C2orf92: variants seen among roughly 807,000 people sequenced by gnomAD.
C2orf92 encodes the protein uncharacterized protein C2orf92.
intron 7 of C2orf92, among the ~76,000 whole-genome samples, 182 bp from the exon 8 acceptor site, chr2:97,702,487 A>G (rs556290388): frequency 6.6e-6 from 1 of 152,270 alleles, no homozygotes; most frequent in South Asian, 2.1e-4. Context: ...TGGGGGGAAG[A>G]GAGTATCCCA....
intron 1 of C2orf92, chr2:97,671,220 G>A: frequency 5.7e-6 from 2 of 352,184 alleles, no homozygotes; most frequent in Non-Finnish European, 1.0e-5. Flanking sequence ...TGTTGGCCAG[G>A]CTGGTCATGA....
intron 3 of C2orf92, among the ~76,000 whole-genome samples, chr2:97,688,024 G>T (rs1676019604): frequency 6.6e-6 from 1 of 151,806 alleles, no homozygotes; most frequent in African/African-American, 2.4e-5. Context: ...TCTGGTTGGG[G>T]GTTTGGGAAG....
rs567178408 is a variant in C2orf92 at position 97,683,196 on chromosome 2, A to G, written c.233-5699A>G. Among the ~76,000 whole-genome samples the G allele has an allele frequency of 2.6e-5, 4 of 152,208 alleles. No individual in the cohort carries two copies. In the East Asian group the frequency reaches 7.7e-4, roughly 29 times the overall value. ...ACAAAAATCAGCTGTGTTTTTATAC[A>G]CTAACGATATATACACTAATAATCC... On this transcript the variant is annotated intron_variant, in intron 3 of 7. Coordinates refer to ENST00000627399, the MANE Select transcript of C2orf92 (RefSeq NM_001351368.2).
chr2:97,696,236 T>C (rs1189655652), intron 5 of C2orf92, among the ~76,000 whole-genome samples: 1 of 152,146 alleles, frequency 6.6e-6, no homozygotes, highest in African/African-American at 2.4e-5. Flanking sequence ...ATCTCCTTGA[T>C]AGGGTTTTTC....
intron 3 of C2orf92, among the ~76,000 whole-genome samples, chr2:97,676,665 G>C (rs931648824): frequency 2.0e-4 from 31 of 151,834 alleles, no homozygotes; most frequent in Non-Finnish European, 3.5e-4. Flanking sequence ...CCAGCTACTC[G>C]GGAGGCTGAG....
intron 5 of C2orf92, among the ~76,000 whole-genome samples, chr2:97,696,947 C>T (rs1159456953): frequency 6.6e-6 from 1 of 152,174 alleles, no homozygotes; most frequent in African/African-American, 2.4e-5. Context: ...ATCAAAGGCT[C>T]ACGTCAATGT....
chr2:97,685,672 C>T (rs1323636930), intron 3 of C2orf92, among the ~76,000 whole-genome samples: 2 of 152,140 alleles, frequency 1.3e-5, no homozygotes, highest in African/African-American at 2.4e-5. Context: ...AAGCAATTCT[C>T]CTGCCTCAGC....
At chr2:97,675,417 A>G (rs1307162356) in intron 2 of C2orf92, among the ~76,000 whole-genome samples, 2 of 152,250 alleles carry the variant, frequency 1.3e-5, no homozygotes, top group Non-Finnish European at 2.9e-5. Flanking sequence ...ACACATTTTT[A>G]GCAAAGTGCT....
At chr2:97,673,022 A>G (rs548837261) in intron 1 of C2orf92, among the ~76,000 whole-genome samples, 9 of 152,342 alleles carry the variant, frequency 5.9e-5, no homozygotes, top group African/African-American at 1.4e-4. Context: ...AGAACTTAAT[A>G]TATTTCAAAA....
chr2:97,664,423 G>C (rs2104514411), exon 1 of C2orf92: 1 of 152,316 alleles, frequency 6.6e-6, no homozygotes, highest in Non-Finnish European at 1.5e-5. Flanking sequence ...CTCCAAGGAG[G>C]CCGGCCCTGG....
At chr2:97,673,719 C>T (rs559201603) in intron 1 of C2orf92, among the ~76,000 whole-genome samples, 156 of 152,250 alleles carry the variant, frequency 1.0e-3, no homozygotes, top group African/African-American at 3.5e-3. Context: ...CTGCCTCTCC[C>T]GCTATCTAGA....
chr2:97,673,310 TGA>T (rs1339149295), intron 1 of C2orf92, among the ~76,000 whole-genome samples: 8 of 152,264 alleles, frequency 5.3e-5, no homozygotes, highest in Non-Finnish European at 8.8e-5. Context: ...GTGGAGTGTG[TGA>T]GTCATGTGTG....
intron 5 of C2orf92, among the ~76,000 whole-genome samples, chr2:97,696,910 C>T (rs568365925): frequency 3.9e-5 from 6 of 152,182 alleles, no homozygotes; most frequent in Non-Finnish European, 5.9e-5. Flanking sequence ...AGCATCAGTC[C>T]TAGCAATAAC....
chr2:97,668,633 G>T (rs911276057), upstream of C2orf92: 5 of 152,280 alleles, frequency 3.3e-5, no homozygotes, highest in Non-Finnish European at 7.3e-5. Context: ...GAACTGTGCG[G>T]GTCCACTTCT....
At chr2:97,664,722 G>A (rs2104515137), upstream of C2orf92, 1 of 151,992 alleles carries the variant, frequency 6.6e-6, no homozygotes, top group East Asian at 1.9e-4. Flanking sequence ...TACGGCCACC[G>A]CGCAACGCTA....
chr2:97,665,702 T>TCC, upstream of C2orf92: 2 of 82,394 alleles, frequency 2.4e-5, no homozygotes, highest in Non-Finnish European at 4.2e-5. Flanking sequence ...ACTCTCTCTC[T>TCC]CTCTCTCTCT....
chr2:97,699,343 C>A (rs995100038), intron 6 of C2orf92, among the ~76,000 whole-genome samples: 7 of 152,130 alleles, frequency 4.6e-5, no homozygotes, highest in African/African-American at 1.7e-4. Context: ...CGCCTGTAAT[C>A]CCAGCACTTT....
Position 97,688,786 on chromosome 2 carries a change from G to A in C2orf92, c.233-109G>A, listed in dbSNP as rs182168192. 27 of 396,718 alleles carry A rather than the reference G, an allele frequency of 6.8e-5. 1 individual carries two copies. Among genetic ancestry groups the A allele is most frequent in the Admixed American group, 2.6e-4 (6 of 22,690 alleles). 24.6% of individuals were successfully genotyped at this position (396,718 alleles called of 1,614,324 possible). A position where few individuals can be genotyped will look rare whatever the true frequency, so the allele number is the denominator to read the frequency against. ...GGGAATAACGTCCCATATCTGTGGC[G>A]TTTGCGTCATGTATTCACTGTATTC... On this transcript the variant is annotated intron_variant, in intron 3 of 7. Coordinates refer to ENST00000627399, the MANE Select transcript of C2orf92 (RefSeq NM_001351368.2).
At chr2:97,683,076 C>CACACACA (rs1553565169) in intron 3 of C2orf92, among the ~76,000 whole-genome samples, 10 of 143,270 alleles carry the variant, frequency 7.0e-5, no homozygotes, top group African/African-American at 5.2e-5. Flanking sequence ...CATATAGACT[C>CACACACA]CACACACACA....
Sources: gnomAD v4.1 joint callset for allele counts (sites outside exome capture counted in the v4.1 genomes callset) on GRCh38, gnomAD v4.1.1 for gene constraint, MANE v1.5 for transcripts, NCBI Gene and HGNC (gene_info 2026-07-23, HGNC 2026-07-21) for gene names.